The following RBFOX3 variants were observed in gnomAD, a reference collection of about 807,000 sequenced individuals.
RBFOX3 encodes RNA binding fox-1 homolog 3.
In RBFOX3, 17 loss-of-function variants were observed where a neutral mutation model predicts 48.7. The ratio of observed to expected loss-of-function variants is 0.35; its 90% CI spans 0.24 to 0.52. The LOEUF (loss-of-function observed/expected upper bound fraction) is 0.52, where lower values mean the gene tolerates loss of function less well. Among genes scored for constraint, RBFOX3 ranks in the 20% least tolerant of loss-of-function variants. The pLI is 0.94. For missense variants in RBFOX3, 382 were observed against 497.5 expected, an observed-to-expected ratio of 0.77 and a Z score of 2.21; for synonymous variants, 212 against 209.5, an observed-to-expected ratio of 1.01 and a Z score of -0.10.
At chr17:79,102,577 G>C (rs936694175) in intron 8 of RBFOX3, among the ~76,000 whole-genome samples, 2 of 152,234 alleles carry the variant, frequency 1.3e-5, no homozygotes, top group African/African-American at 2.4e-5. Flanking sequence ...GGGGAGCAGG[G>C]AAGGAGGGGA....
At chr17:79,389,216 G>A (rs2061002611) in intron 2 of RBFOX3, among the ~76,000 whole-genome samples, 2 of 152,162 alleles carry the variant, frequency 1.3e-5, no homozygotes. Flanking sequence ...ACCAAACCTC[G>A]GGTCACTCAC....
Position 79,311,520 on chromosome 17 carries a change from C to T in RBFOX3, c.-174-3696G>A, listed in dbSNP as rs550126701. On this transcript the variant is annotated intron_variant, in intron 2 of 14. Coordinates refer to ENST00000693108, the MANE Select transcript of RBFOX3 (RefSeq NM_001350451.2). This position sits in a 1 kb window ranked among gnomAD's most constrained non-coding sequence, Gnocchi z 4.2. ...CCACCCATCCTACAGAGTTCAGATT[C>T]GGCAGCCTTCGCAATAACATGACCT... 4.0e-5 allele frequency among the ~76,000 whole-genome samples: 6 copies of T among 151,860 alleles called. No individual in the cohort carries two copies. The highest frequency in any genetic ancestry group is 1.2e-4 in the African/African-American group (5 of 41,452).
chr17:79,327,949 C>T (rs973793625), intron 2 of RBFOX3, among the ~76,000 whole-genome samples: 2 of 152,224 alleles, frequency 1.3e-5, no homozygotes, highest in African/African-American at 4.8e-5. Context: ...CTACCTCGGC[C>T]TCCCAAAGTG....
At chr17:79,110,084 C>T (rs1378119201) in intron 5 of RBFOX3, among the ~76,000 whole-genome samples, 1 of 151,530 alleles carries the variant, frequency 6.6e-6, no homozygotes. Flanking sequence ...GGTCCAGCAG[C>T]CTCCACCGCC....
At chr17:79,331,636 G>A (rs541954488) in intron 2 of RBFOX3, among the ~76,000 whole-genome samples, 9 of 152,244 alleles carry the variant, frequency 5.9e-5, no homozygotes, top group East Asian at 1.9e-4. Context: ...CCCAGAAGAC[G>A]GCACCCCATC....
At chr17:79,404,587 T>A (rs2063307690) in intron 2 of RBFOX3, among the ~76,000 whole-genome samples, 1 of 152,138 alleles carries the variant, frequency 6.6e-6, no homozygotes, top group South Asian at 2.1e-4. Context: ...TCTGCCCACA[T>A]CCAGGCCACC....
chr17:79,238,464 CCT>C (rs1194936102), intron 3 of RBFOX3, among the ~76,000 whole-genome samples: 1 of 152,182 alleles, frequency 6.6e-6, no homozygotes, highest in African/African-American at 2.4e-5. Context: ...CAGGGCTTCA[CCT>C]CTCTTCCCGA....
rs150823594 is a variant in RBFOX3 at position 79,364,010 on chromosome 17, C to T, written c.-174-56186G>A. On this transcript the variant is annotated intron_variant, in intron 2 of 14. Transcript: ENST00000693108. This position sits in a 1 kb window ranked among gnomAD's most constrained non-coding sequence, Gnocchi z 5.1. ...TCCACCAGGCTTTATGGGGCTGTGC[C>T]TTCTCAAGCCTCAGCTCAGATGCCA... Among the ~76,000 whole-genome samples, 151 of 152,292 alleles carry T rather than the reference C, an allele frequency of 9.9e-4. No homozygotes were observed. The highest frequency in any genetic ancestry group is 3.5e-3 in the African/African-American group (145 of 41,552).
At chr17:79,100,706 T>C (rs1158437737) in intron 9 of RBFOX3, among the ~76,000 whole-genome samples, 6 of 152,188 alleles carry the variant, frequency 3.9e-5, no homozygotes, top group African/African-American at 1.4e-4. Flanking sequence ...GGGAAGCTGC[T>C]CCCTGGCAGG....
At position 79,463,367 on chromosome 17, in the gene RBFOX3, G is replaced by A. The variant is rs797038824; in HGVS notation, c.-175+19087C>T. ...CGCCACCTCCACCGCCATCGCCACC[G>A]CCAGTGCCACCGCCACCTCCACCAC... On this transcript the variant is annotated intron_variant, in intron 2 of 14. Coordinates refer to ENST00000693108, the MANE Select transcript of RBFOX3 (RefSeq NM_001350451.2). Among the ~76,000 whole-genome samples the A allele has an allele frequency of 2.1e-3, 189 of 90,748 alleles. 17 individuals carry two copies. The highest frequency in any genetic ancestry group is 7.9e-3 in the African/African-American group (173 of 21,880). The allele number at this position is 90,748 out of a possible 152,430, so 59.5% of individuals were successfully genotyped here. A position where few individuals can be genotyped will look rare whatever the true frequency, so the allele number is the denominator to read the frequency against.
chr17:79,574,481 G>A (rs989531522), intron 1 of RBFOX3, among the ~76,000 whole-genome samples: 29 of 152,254 alleles, frequency 1.9e-4, no homozygotes, highest in Middle Eastern at 3.4e-3. Flanking sequence ...AGACACCCCC[G>A]CCAGCACCAT....
At chr17:79,110,189 G>A (rs1250997323) in intron 5 of RBFOX3, among the ~76,000 whole-genome samples, 1 of 151,794 alleles carries the variant, frequency 6.6e-6, no homozygotes, top group Non-Finnish European at 1.5e-5. Context: ...AAAGAGAAAA[G>A]GACAGGACTG....
chr17:79,424,488 G>A (rs1555724542), intron 2 of RBFOX3, among the ~76,000 whole-genome samples: 1 of 152,162 alleles, frequency 6.6e-6, no homozygotes, highest in South Asian at 2.1e-4. Context: ...CATGGGCCCT[G>A]CCACCTGCCA....
rs536810401 is a variant in RBFOX3 at position 79,411,545 on chromosome 17, C to A, written c.-175+70909G>T. ...AGTTCCCTCCTTGGGGCTGCCCTGG[C>A]CCCAGGCTTCCCCTTCCATGCCCTC... is the stretch of plus-strand genomic sequence containing the variant. On this transcript the variant is annotated intron_variant, in intron 2 of 14. Coordinates refer to ENST00000693108, the MANE Select transcript of RBFOX3 (RefSeq NM_001350451.2). Among the ~76,000 whole-genome samples the A allele has an allele frequency of 7.2e-5, 11 of 152,306 alleles. No homozygotes were observed. In the East Asian group the frequency reaches 1.9e-3, roughly 27 times the overall value.
intron 2 of RBFOX3, among the ~76,000 whole-genome samples, chr17:79,441,934 G>A (rs897923933): frequency 8.6e-5 from 13 of 151,974 alleles, no homozygotes; most frequent in Non-Finnish European, 1.9e-4. Flanking sequence ...CAGACCAACA[G>A]GTCAGGAGCC....
At chr17:79,219,647 G>C (rs956948354) in intron 4 of RBFOX3, among the ~76,000 whole-genome samples, 1 of 152,136 alleles carries the variant, frequency 6.6e-6, no homozygotes, top group Admixed American at 6.5e-5. Flanking sequence ...GCTGCAGAGT[G>C]GGGGCGCCTA....
intron 4 of RBFOX3, among the ~76,000 whole-genome samples, chr17:79,225,974 C>T (rs373267927): frequency 7.6e-4 from 116 of 152,200 alleles, no homozygotes; most frequent in African/African-American, 2.7e-3. Context: ...GAGGGGGCTG[C>T]AGTGTTCAGC....
intron 2 of RBFOX3, among the ~76,000 whole-genome samples, chr17:79,376,045 C>T (rs1488785137): frequency 3.3e-5 from 5 of 152,170 alleles, no homozygotes; most frequent in East Asian, 3.9e-4. Context: ...AATGTAGAGA[C>T]GATTCTCGTC....
chr17:79,213,678 A>G (rs2058662320), intron 4 of RBFOX3, among the ~76,000 whole-genome samples: 1 of 152,168 alleles, frequency 6.6e-6, no homozygotes, highest in South Asian at 2.1e-4. Flanking sequence ...CATTAGGGGC[A>G]CTTTGCACCT....
Sources: gnomAD v4.1 joint callset for allele counts (sites outside exome capture counted in the v4.1 genomes callset) on GRCh38, gnomAD v4.1.1 for gene constraint, Gnocchi (gnomAD v3.1) non-coding constraint, MANE v1.5 for transcripts, NCBI Gene and HGNC (gene_info 2026-07-23, HGNC 2026-07-21) for gene names.